The following PCDHGB3 variants were observed in gnomAD, a reference collection of about 807,000 sequenced individuals.
PCDHGB3 encodes the protein protocadherin gamma-B3.
A neutral mutation model predicts 59.2 loss-of-function variants in PCDHGB3; 40 were observed. The ratio of observed to expected loss-of-function variants is 0.68; its 90% CI spans 0.52 to 0.88. The LOEUF (loss-of-function observed/expected upper bound fraction) is 0.88, where lower values mean the gene tolerates loss of function less well. Among genes scored for constraint, PCDHGB3 ranks in the 40% least tolerant of loss-of-function variants. The pLI is 0.00. For synonymous variants in PCDHGB3, 581 were observed against 503.6 expected, an observed-to-expected ratio of 1.15 and a Z score of -2.06; for missense variants, 1,309 against 1,187.9, an observed-to-expected ratio of 1.10 and a Z score of -1.50.
chr5:141,421,562 A>G (rs1326874908), intron 1 of PCDHGB3: 1 of 1,613,992 alleles, frequency 6.2e-7, no homozygotes, highest in South Asian at 1.1e-5. Context: ...CTTCTCGTGG[A>G]AGACACCTTG....
At chr5:141,442,848 T>C (rs1210778801) in intron 1 of PCDHGB3, among the ~76,000 whole-genome samples, 2 of 152,236 alleles carry the variant, frequency 1.3e-5, no homozygotes, top group Non-Finnish European at 2.9e-5. Context: ...ATCTTGGCCA[T>C]TGTAGTATGA....
At position 141,370,990 on chromosome 5, in the gene PCDHGB3, C is replaced by T. The variant is rs763809323; in HGVS notation, c.596C>T (p.Pro199Leu). 3 of 1,613,826 alleles carry T rather than the reference C, an allele frequency of 1.9e-6. No individual in the cohort carries two copies. Among genetic ancestry groups the T allele is most frequent in the Admixed American group, 1.7e-5 (1 of 59,990 alleles). The change falls in exon 1 of 4, where the codon CCC (proline) becomes CTC (leucine). Residue 199 changes from proline (P) to leucine (L), a missense_variant. Transcript: ENST00000576222. Reference sequence around the variant, plus strand: ...TACCCAGAGCTAGTACTGAAAGCACCCCTGGACAGGGAAGAGCAGCCACAT... The same window carrying T: ...TACCCAGAGCTAGTACTGAAAGCACTCCTGGACAGGGAAGAGCAGCCACAT... ...SRYPELVLKAPLDREEQPHHH... is the reference protein window; with the variant it reads ...SRYPELVLKALLDREEQPHHH...
At chr5:141,387,844 G>A in intron 1 of PCDHGB3, 1 of 1,597,594 alleles carries the variant, frequency 6.3e-7, no homozygotes, top group South Asian at 1.1e-5. Flanking sequence ...TTGTAACCCG[G>A]CGTCTCCAGG....
chr5:141,426,085 C>T (rs1315114723), intron 1 of PCDHGB3, among the ~76,000 whole-genome samples: 7 of 152,148 alleles, frequency 4.6e-5, no homozygotes, highest in Non-Finnish European at 8.8e-5. Flanking sequence ...TCTACCAGGA[C>T]GATATTCTGT....
In PCDHGB3 at chr5:141,431,265, G is replaced by T; in HGVS notation, c.2415+58456G>T. On this transcript the variant is annotated intron_variant, in intron 1 of 3. Transcript: ENST00000576222. The surrounding 1 kb of genome is among the most constrained non-coding windows in gnomAD (Gnocchi z 4.8). ...GATATCGGGAAGAACTCTCTGCAGAGCTACGAGCTCAGCCCGAACACTCAC... is the reference window on the plus strand; with the variant it reads ...GATATCGGGAAGAACTCTCTGCAGATCTACGAGCTCAGCCCGAACACTCAC... 1 of 1,614,168 alleles carries T rather than the reference G, an allele frequency of 6.2e-7. No homozygotes were observed. The highest frequency in any genetic ancestry group is 8.5e-7 in the Non-Finnish European group (1 of 1,180,054).
chr5:141,395,022 G>T, intron 1 of PCDHGB3: 1 of 1,614,128 alleles, frequency 6.2e-7, no homozygotes, highest in Non-Finnish European at 8.5e-7. Context: ...AGGCGTGCCT[G>T]CCTCACATTT....
At chr5:141,390,045 T>G in intron 1 of PCDHGB3, 1 of 1,614,076 alleles carries the variant, frequency 6.2e-7, no homozygotes, top group Non-Finnish European at 8.5e-7. Context: ...CAGCCCCGCC[T>G]CCTGGAGCTG....
intron 1 of PCDHGB3, chr5:141,394,304 G>T (rs1317596371): frequency 1.2e-6 from 2 of 1,613,932 alleles, no homozygotes; most frequent in Admixed American, 1.7e-5. Flanking sequence ...ACACGCTGCA[G>T]GGGGCGCCCC....
intron 1 of PCDHGB3, chr5:141,441,955 A>G: frequency 3.1e-6 from 1 of 320,028 alleles, no homozygotes; most frequent in Non-Finnish European, 6.0e-6. Context: ...GCAGGCCAGC[A>G]AGCCCAGGCT....
intron 1 of PCDHGB3, chr5:141,423,830 G>A (rs527344048): frequency 5.5e-6 from 7 of 1,273,204 alleles, no homozygotes; most frequent in African/African-American, 3.1e-5. Flanking sequence ...CCTTTCATGA[G>A]ATTACGATAA....
At position 141,487,033 on chromosome 5, in the gene PCDHGB3, A is replaced by C. The variant is rs1465525110; in HGVS notation, c.2416-7774A>C. ...AGGCCCCAGATCCCAGCCTGTTTGC[A>C]GTCTCTCGATATGCTGGGGAGGTGC... On this transcript the variant is annotated intron_variant, in intron 1 of 3. Transcript: ENST00000576222. This position sits in a 1 kb window ranked among gnomAD's most constrained non-coding sequence, Gnocchi z 5.0. 3 of 1,614,160 alleles carry C rather than the reference A, an allele frequency of 1.9e-6. No individual in the cohort carries two copies. Among genetic ancestry groups the C allele is most frequent in the Non-Finnish European group, 2.5e-6 (3 of 1,180,032 alleles).
intron 1 of PCDHGB3, chr5:141,415,994 C>G: frequency 6.6e-6 from 2 of 303,006 alleles, no homozygotes; most frequent in East Asian, 6.9e-5. Context: ...GTTCTGAAGG[C>G]AGGTCTGGTA....
Position 141,422,497 on chromosome 5 carries a change from A to G in PCDHGB3, c.2415+49688A>G, listed in dbSNP as rs1257927470. 1.9e-6 allele frequency: 3 copies of G among 1,613,874 alleles called. No homozygotes were observed. In the African/African-American group the frequency reaches 4.0e-5, roughly 22 times the overall value. On this transcript the variant is annotated intron_variant, in intron 1 of 3. Transcript: ENST00000576222. Reference sequence around the variant, plus strand: ...GGTCCAGAGCTACAATATAACGTTGACAGCCACAGACCAGGGAAGCCCGCC... The same window carrying G: ...GGTCCAGAGCTACAATATAACGTTGGCAGCCACAGACCAGGGAAGCCCGCC...
At chr5:141,413,592 A>G in intron 1 of PCDHGB3, 1 of 1,613,916 alleles carries the variant, frequency 6.2e-7, no homozygotes, top group Non-Finnish European at 8.5e-7. Context: ...AATTCCAAGC[A>G]GAAAATCTAG....
At chr5:141,396,406 G>A (rs1245754617) in intron 1 of PCDHGB3, 2 of 152,190 alleles carry the variant, frequency 1.3e-5, no homozygotes, top group African/African-American at 4.8e-5. Context: ...ATCACCTGAG[G>A]TCAGGAGTTC....
At chr5:141,390,114 G>A in intron 1 of PCDHGB3, 1 of 1,614,048 alleles carries the variant, frequency 6.2e-7, no homozygotes, top group African/African-American at 1.3e-5. Flanking sequence ...CTACAGCGAG[G>A]GGACTTTGCC....
chr5:141,394,674 C>G lies in PCDHGB3; in HGVS notation c.2415+21865C>G. ...CGAGCCGGGACTCTTCTCGGTGGGT[C>G]TGCACACGGGCGAGGTGCGCACGGC... On this transcript the variant is annotated intron_variant, in intron 1 of 3. Transcript: ENST00000576222. 1 of 1,612,758 alleles carries G rather than the reference C, an allele frequency of 6.2e-7. No individual in the cohort carries two copies. The highest frequency in any genetic ancestry group is 8.5e-7 in the Non-Finnish European group (1 of 1,179,752).
intron 1 of PCDHGB3, among the ~76,000 whole-genome samples, chr5:141,465,347 G>A (rs2099101721): frequency 6.6e-6 from 1 of 151,938 alleles, no homozygotes; most frequent in South Asian, 2.1e-4. Context: ...GGTTACTGAA[G>A]AAAAAATGGG....
intron 1 of PCDHGB3, chr5:141,375,428 C>A (rs749307933): frequency 2.5e-6 from 4 of 1,613,984 alleles, no homozygotes; most frequent in East Asian, 2.2e-5. Flanking sequence ...CAACGACAAC[C>A]CGCCCACCTT....
Sources: allele counts gnomAD v4.1 joint callset (sites outside exome capture counted in the v4.1 genomes callset), GRCh38; gene constraint gnomAD v4.1.1; non-coding constraint Gnocchi (gnomAD v3.1); transcripts MANE v1.5; gene names NCBI Gene and HGNC (gene_info 2026-07-23, HGNC 2026-07-21).